AHCY: variants seen among roughly 807,000 people sequenced by gnomAD.
AHCY encodes the protein adenosylhomocysteinase, also known as S-adenosyl-L-homocysteine hydrolase.
In AHCY, 24 loss-of-function variants were observed where a neutral mutation model predicts 45.4. The observed-to-expected ratio is 0.53, with a 90% CI of 0.38 to 0.74. The LOEUF (loss-of-function observed/expected upper bound fraction) is 0.74, where lower values mean the gene tolerates loss of function less well. AHCY is among the 30% of genes least tolerant of loss of function. The pLI is 0.00. For missense variants in AHCY, 449 were observed against 594.1 expected (o/e 0.76, Z 2.54); for synonymous variants, 245 against 235.1 (o/e 1.04, Z -0.39).
chr20:34,268,861 T>TG, the AHCY span: 1 of 1,152,162 alleles, frequency 8.7e-7, no homozygotes, highest in Non-Finnish European at 1.2e-6. Flanking sequence ...GAGCGGGCGG[T>TG]GGGCGGTGGG....
At chr20:34,271,852 C>T in the AHCY span, among the ~76,000 whole-genome samples, 4 of 152,124 alleles carry the variant, frequency 2.6e-5, no homozygotes, top group Non-Finnish European at 5.9e-5. Context: ...GGCTATGAGC[C>T]ACCACACCCA....
rs1453398203 is a variant in AHCY, at chr20:34,298,632, C to T, written c.29-3047G>A. Among the ~76,000 whole-genome samples the T allele has an allele frequency of 3.3e-5, 5 of 150,380 alleles. No individual in the cohort carries two copies. In the East Asian group the frequency reaches 7.9e-4, roughly 24 times the overall value. On this transcript the variant is annotated intron_variant, in intron 1 of 9. Coordinates refer to ENST00000217426, the MANE Select transcript of AHCY (RefSeq NM_000687.4). ...GGAGGGGGGGGGGTGTCTCCCTTTC[C>T]CCAGGGGAGTTTAGAAAAGACTCTG...
chr20:34,262,798 C>T, the AHCY span: 1 of 1,612,870 alleles, frequency 6.2e-7, no homozygotes, highest in Non-Finnish European at 8.5e-7. Context: ...TCCCCAGAAA[C>T]ATCTGACTTT....
At chr20:34,299,294 G>C (rs557870551) in intron 1 of AHCY, among the ~76,000 whole-genome samples, 87 of 152,152 alleles carry the variant, frequency 5.7e-4, no homozygotes, top group Non-Finnish European at 1.1e-3. Context: ...AGACCAGCCT[G>C]ATCTCCATAC....
intron 1 of AHCY, among the ~76,000 whole-genome samples, chr20:34,296,641 A>G (rs1441030599): frequency 6.6e-6 from 1 of 152,170 alleles, no homozygotes; most frequent in Non-Finnish European, 1.5e-5. Context: ...ACCCTAGGTC[A>G]GTCCCTAGGT....
At chr20:34,275,854 T>TA (rs2035906546), downstream of AHCY, among the ~76,000 whole-genome samples, 1 of 151,700 alleles carries the variant, frequency 6.6e-6, no homozygotes, top group South Asian at 2.1e-4. Flanking sequence ...TTTTTTTTTT[T>TA]ATTCTATTTT....
the AHCY span, among the ~76,000 whole-genome samples, chr20:34,233,382 C>T: frequency 2.0e-5 from 3 of 152,030 alleles, no homozygotes; most frequent in Non-Finnish European, 2.9e-5. Context: ...CTCCTGACCT[C>T]ATGATCTGCC....
the AHCY span, among the ~76,000 whole-genome samples, chr20:34,247,168 T>C: frequency 1.3e-5 from 2 of 151,846 alleles, no homozygotes; most frequent in Non-Finnish European, 2.9e-5. Flanking sequence ...GTGTTTAACA[T>C]TGTATATGCC....
the AHCY span, among the ~76,000 whole-genome samples, chr20:34,243,860 C>G: frequency 2.6e-5 from 4 of 151,442 alleles, no homozygotes; most frequent in African/African-American, 9.7e-5. Context: ...GTCAGGAGAT[C>G]GAGACCATCC....
chr20:34,286,714 T>G (rs1168205127), intron 8 of AHCY, among the ~76,000 whole-genome samples: 1 of 150,050 alleles, frequency 6.7e-6, no homozygotes, highest in African/African-American at 2.5e-5. Context: ...ATGCCTGTAA[T>G]CCCAGCTACT....
chr20:34,309,340 CTA>C (rs1568821576), intron 1 of AHCY, among the ~76,000 whole-genome samples: 1 of 152,134 alleles, frequency 6.6e-6, no homozygotes, highest in African/African-American at 2.4e-5. Context: ...CTTCGGAGTG[CTA>C]TGTTTTCTTA....
intron 1 of AHCY, among the ~76,000 whole-genome samples, chr20:34,308,377 C>T (rs989370881): frequency 2.6e-5 from 4 of 152,030 alleles, no homozygotes; most frequent in African/African-American, 7.2e-5. Context: ...ATGGCAAAAC[C>T]GCATCTCTAC....
intron 3 of AHCY, 191 bp downstream of exon 3, chr20:34,293,890 A>G (rs1262074938): frequency 5.9e-6 from 4 of 674,490 alleles, no homozygotes; most frequent in Non-Finnish European, 1.1e-5. Flanking sequence ...TCAATAAACA[A>G]CTTCCACAGG....
chr20:34,291,645 G>T, intron 4 of AHCY, 114 bp from the exon 5 acceptor site: 1 of 953,206 alleles, frequency 1.0e-6, no homozygotes, highest in Non-Finnish European at 1.6e-6. Context: ...CTCTGTGACT[G>T]ATCCCACAGG....
chr20:34,285,461 C>A lies in AHCY; in HGVS notation c.1146G>T (p.Gly382=). The change falls in exon 9 of 10, where the codon GGG becomes GGT. Residue 382 remains glycine, a synonymous_variant. Coordinates refer to ENST00000217426, the MANE Select transcript of AHCY (RefSeq NM_000687.4). The stretch of plus-strand genomic sequence containing the variant: ...CCACCTTCTTGGGCAGGAAATGAAC[C>A]CCAACGGGGTACTTGTCTGGATGGG... ...LWTHPDKYPV[G]VHFLPKKLDE... is the part of the protein sequence containing the mutation. The A allele has an allele frequency of 6.2e-7, 1 of 1,614,036 alleles. No individual in the cohort carries two copies. Among genetic ancestry groups the A allele is most frequent in the South Asian group, 1.1e-5 (1 of 91,084 alleles).
chr20:34,272,635 C>T, the AHCY span, among the ~76,000 whole-genome samples: 1 of 152,246 alleles, frequency 6.6e-6, no homozygotes, highest in South Asian at 2.1e-4. Flanking sequence ...ACCTGTAATC[C>T]CAGCACTTTG....
At chr20:34,269,039 G>C in the AHCY span, 1 of 1,606,500 alleles carries the variant, frequency 6.2e-7, no homozygotes, top group Non-Finnish European at 8.5e-7. Flanking sequence ...CCCCCTATCT[G>C]CGCCCTGCGT....
Position 34,281,133 on chromosome 20 carries a change from G to A in AHCY, c.1200C>T (p.Gly400=), listed in dbSNP as rs1568782901. The A allele has an allele frequency of 1.2e-6, 2 of 1,613,638 alleles. No homozygotes were observed. Among genetic ancestry groups the A allele is most frequent in the Non-Finnish European group, 1.7e-6 (2 of 1,180,056 alleles). Residue 400 remains glycine, a synonymous_variant, in exon 10 of 10, where the codon GGC becomes GGT. Coordinates refer to ENST00000217426, the MANE Select transcript of AHCY (RefSeq NM_000687.4). Reference sequence around the variant, plus strand: ...GCTTGGTCAACTTCACATTCAGCTTGCCCAGGTGGGCTTCAGCCACTGCCT... The same window carrying A: ...GCTTGGTCAACTTCACATTCAGCTTACCCAGGTGGGCTTCAGCCACTGCCT... ...LDEAVAEAHL[G]KLNVKLTKLT...
At chr20:34,256,136 G>A in the AHCY span, among the ~76,000 whole-genome samples, 2 of 152,156 alleles carry the variant, frequency 1.3e-5, no homozygotes, top group Non-Finnish European at 2.9e-5. Context: ...AGAAATAATG[G>A]CATAAACTGT....
Sources: gnomAD v4.1 joint callset for allele counts (sites outside exome capture counted in the v4.1 genomes callset) on GRCh38, gnomAD v4.1.1 for gene constraint, MANE v1.5 for transcripts, NCBI Gene and HGNC (gene_info 2026-07-23, HGNC 2026-07-21) for gene names.